The following TRIM40 variants were observed in gnomAD, a reference collection of about 807,000 sequenced individuals.
The protein encoded by TRIM40 is E3 ubiquitin ligase TRIM40.
A neutral mutation model predicts 26.1 loss-of-function variants in TRIM40; 27 were observed. That is an observed-to-expected ratio of 1.04 (90% CI 0.76 to 1.43). The LOEUF (loss-of-function observed/expected upper bound fraction) is 1.43, where lower values mean the gene tolerates loss of function less well. Ranked by LOEUF, TRIM40 falls within the 40% of genes most tolerant of loss-of-function variation. TRIM40 has a pLI of 0.00. For synonymous variants in TRIM40, 114 were observed against 120.0 expected, an observed-to-expected ratio of 0.95 and a Z score of 0.33; for missense variants, 289 against 307.9, an observed-to-expected ratio of 0.94 and a Z score of 0.46.
Position 30,146,286 on chromosome 6 carries a change from A to G in TRIM40, c.441+197A>G, listed in dbSNP as rs374485225. Among the ~76,000 whole-genome samples, 93 of 152,308 alleles carry G rather than the reference A, an allele frequency of 6.1e-4. 2 individuals are homozygous for G. In the South Asian group the frequency reaches 0.016, roughly 26 times the overall value. The stretch of plus-strand genomic sequence containing the variant: ...ACGCAAGTTAAGCCCTCTGATCTTT[A>G]TGTGACTTACATGTTAAATGAGAAC... On this transcript the variant is annotated intron_variant, in intron 3 of 5. Coordinates refer to ENST00000396581, the MANE Select transcript of TRIM40 (RefSeq NM_001286633.2).
At chr6:30,138,609 T>C (rs1771154659) in intron 2 of TRIM40, among the ~76,000 whole-genome samples, 1 of 152,242 alleles carries the variant, frequency 6.6e-6, no homozygotes, top group African/African-American at 2.4e-5. Context: ...GGTATTTTGA[T>C]AGAATCCTCA....
intron 2 of TRIM40, among the ~76,000 whole-genome samples, chr6:30,137,701 G>A (rs1047727521): frequency 6.6e-6 from 1 of 152,126 alleles, no homozygotes; most frequent in African/African-American, 2.4e-5. Flanking sequence ...GTGAACTCCT[G>A]GTTGATAGTA....
chr6:30,144,169 G>A (rs1273919140), intron 2 of TRIM40, among the ~76,000 whole-genome samples: 2 of 152,118 alleles, frequency 1.3e-5, no homozygotes, highest in Non-Finnish European at 1.5e-5. Flanking sequence ...GGGCACCTTG[G>A]ATGCTGGGTG....
At chr6:30,144,472 A>G (rs374394017) in intron 2 of TRIM40, among the ~76,000 whole-genome samples, 12 of 152,302 alleles carry the variant, frequency 7.9e-5, no homozygotes, top group African/African-American at 2.9e-4. Context: ...TTGGAATTCT[A>G]AGATCTGAAG....
intron 2 of TRIM40, among the ~76,000 whole-genome samples, chr6:30,139,001 G>A (rs115855251): frequency 0.013 from 1,942 of 152,312 alleles, 18 homozygotes; most frequent in Non-Finnish European, 0.019. Flanking sequence ...CTCACCTGCC[G>A]ATGAAGCAGC....
intron 2 of TRIM40, among the ~76,000 whole-genome samples, chr6:30,139,360 T>G (rs1771204801): frequency 7.1e-6 from 1 of 141,240 alleles, no homozygotes. Flanking sequence ...TTTTTTTTTT[T>G]TGAGATGGAG....
chr6:30,140,615 C>A (rs114812618), intron 2 of TRIM40, among the ~76,000 whole-genome samples: 1 of 152,006 alleles, frequency 6.6e-6, no homozygotes, highest in African/African-American at 2.4e-5. Flanking sequence ...AAATACCTAA[C>A]GTGGATGACG....
intron 2 of TRIM40, among the ~76,000 whole-genome samples, chr6:30,144,743 G>C (rs1400146075): frequency 6.6e-6 from 1 of 152,158 alleles, no homozygotes; most frequent in Non-Finnish European, 1.5e-5. Context: ...ACGACAGTGA[G>C]GAGGTGAAGA....
chr6:30,147,579 A>G lies in TRIM40; in HGVS notation c.689+37A>G, dbSNP rs112744730. 11,479 of 1,614,168 alleles carry G rather than the reference A, an allele frequency of 7.1e-3. 126 individuals carry two copies. The highest frequency in any genetic ancestry group is 0.045 in the Middle Eastern group (270 of 6,060). ...CCCTTCTTCTTTCCCACATGTGCATATAAACCCACACAACACAGACATGCA... is the reference window on the plus strand; with the variant it reads ...CCCTTCTTCTTTCCCACATGTGCATGTAAACCCACACAACACAGACATGCA... On this transcript the variant is annotated intron_variant, in intron 5 of 5. Transcript: ENST00000396581.
chr6:30,146,839 C>T (rs1384214667), intron 3 of TRIM40, 146 bp from the exon 4 acceptor site: 3 of 750,722 alleles, frequency 4.0e-6, no homozygotes, highest in Admixed American at 2.8e-5. Context: ...ATCAAAGCTG[C>T]TTCTGCTATA....
rs747962286 is a variant in TRIM40 at position 30,147,072 on chromosome 6, C to T, written c.529C>T (p.Gln177Ter). 13 of 1,613,854 alleles carry T rather than the reference C, an allele frequency of 8.1e-6. No individual in the cohort carries two copies. Among genetic ancestry groups the T allele is most frequent in the African/African-American group, 6.7e-5 (5 of 74,938 alleles). The part of the protein sequence containing the change: ...TREQLGALPQ[Q>*]WLGQLEHMPA... ...GGAACAGCTGGGTGCCCTCCCTCAG[C>T]AGTGGCTGGGCCAGCTGGAGCACAT... is the stretch of plus-strand genomic sequence containing the variant. The change falls in exon 4 of 6, where the codon CAG becomes TAG. Residue 177 changes from glutamine (Q) to a stop codon, truncating the protein, a stop_gained. Transcript: ENST00000396581. LOFTEE classifies it high-confidence loss of function.
intron 3 of TRIM40, 29 bp from the exon 4 acceptor site, chr6:30,146,956 C>G: frequency 6.4e-7 from 1 of 1,554,652 alleles, no homozygotes; most frequent in Non-Finnish European, 8.7e-7. Flanking sequence ...CCACCTGACA[C>G]TGAGTCTTAG....
At chr6:30,138,349 T>C (rs1276275989) in intron 2 of TRIM40, among the ~76,000 whole-genome samples, 1 of 152,226 alleles carries the variant, frequency 6.6e-6, no homozygotes, top group Non-Finnish European at 1.5e-5. Context: ...ATCCAAGATA[T>C]ATTTTGGTGA....
At chr6:30,142,102 G>T (rs1771384110) in intron 2 of TRIM40, among the ~76,000 whole-genome samples, 1 of 150,676 alleles carries the variant, frequency 6.6e-6, no homozygotes. Context: ...ATTAAGGAGG[G>T]TTTTTTTTTA....
chr6:30,137,123 C>A lies in TRIM40; in HGVS notation c.87C>A (p.Cys29Ter), dbSNP rs149807260. ...ESLKEAVSTN[C>*]GHLFCRVCLT... ...TGAAGGAGGCCGTGAGCACCAACTG[C>A]GGACATCTCTTCTGTCGAGTGTGCC... The change falls in exon 2 of 6, where the codon TGC becomes TGA. Residue 29 changes from cysteine (C) to a stop codon, truncating the protein, a stop_gained. Transcript: ENST00000396581. LOFTEE classifies it high-confidence loss of function. 6 of 1,613,106 alleles carry A rather than the reference C, an allele frequency of 3.7e-6. No individual in the cohort carries two copies. Among genetic ancestry groups the A allele is most frequent in the Non-Finnish European group, 4.2e-6 (5 of 1,180,034 alleles).
chr6:30,147,351 C>T, intron 4 of TRIM40, 142 bp downstream of exon 4: 2 of 1,355,564 alleles, frequency 1.5e-6, no homozygotes, highest in East Asian at 2.3e-5. Flanking sequence ...TTGTTCCAGG[C>T]TACAGAGTGC....
intron 2 of TRIM40, among the ~76,000 whole-genome samples, chr6:30,143,081 C>CTT (rs146464922): frequency 0.022 from 3,384 of 152,110 alleles, 59 homozygotes; most frequent in Middle Eastern, 0.068. Context: ...TTGTTGATTA[C>CTT]TAAGAATCAT....
At chr6:30,137,816 C>T (rs1247992256) in intron 2 of TRIM40, among the ~76,000 whole-genome samples, 2 of 152,050 alleles carry the variant, frequency 1.3e-5, no homozygotes, top group African/African-American at 4.8e-5. Context: ...CTCTCTTTTT[C>T]TTCCTTCTGC....
Position 30,146,632 on chromosome 6 carries a change from C to T in TRIM40, c.442-353C>T, listed in dbSNP as rs763123268. ...TTCACCATGTTAGCCAGGATGGTCT[C>T]GATCTCCTGACCTCGTGATCCGCCC... On this transcript the variant is annotated intron_variant, in intron 3 of 5. Transcript: ENST00000396581. Among the ~76,000 whole-genome samples, 125 of 152,156 alleles carry T rather than the reference C, an allele frequency of 8.2e-4. No homozygotes were observed. The Middle Eastern group carries it at 0.02, about 25-fold the overall frequency.
Sources: allele counts gnomAD v4.1 joint callset (sites outside exome capture counted in the v4.1 genomes callset), GRCh38; gene constraint gnomAD v4.1.1; transcripts MANE v1.5; gene names NCBI Gene and HGNC (gene_info 2026-07-23, HGNC 2026-07-21).